Variants in TSPAN18 observed in about 807,000 individuals in gnomAD.
TSPAN18 encodes the protein tetraspanin-18.
In TSPAN18, 14 loss-of-function variants were observed where a neutral mutation model predicts 27.3. That is an observed-to-expected ratio of 0.51 (90% confidence interval 0.34 to 0.80). TSPAN18 has a LOEUF of 0.80. TSPAN18 is among the 30% of genes least tolerant of loss of function. The pLI is 0.01. For missense variants in TSPAN18, 268 were observed against 323.9 expected (o/e 0.83, Z 1.32); for synonymous variants, 143 against 136.5 (o/e 1.05, Z -0.33).
intron 3 of TSPAN18, among the ~76,000 whole-genome samples, chr11:44,870,254 C>A (rs1309422796): frequency 2.6e-5 from 4 of 152,122 alleles, no homozygotes; most frequent in African/African-American, 7.2e-5. Context: ...AGTCCCTGTT[C>A]CCACCCCAGC....
chr11:44,929,105 T>G (rs770057466), intron 9 of TSPAN18, 26 bp from the exon 10 acceptor site: 2 of 1,612,694 alleles, frequency 1.2e-6, no homozygotes, highest in Non-Finnish European at 1.7e-6. Flanking sequence ...GATAAGCCAG[T>G]TCCTGCTCTT....
At chr11:44,745,323 G>A (rs534529041) in intron 1 of TSPAN18, among the ~76,000 whole-genome samples, 1 of 152,144 alleles carries the variant, frequency 6.6e-6, no homozygotes, top group Admixed American at 6.5e-5. Flanking sequence ...ACCTATTCAG[G>A]CTCCAATTCA....
At chr11:44,854,506 G>T (rs989670717) in intron 2 of TSPAN18, among the ~76,000 whole-genome samples, 15 of 152,188 alleles carry the variant, frequency 9.9e-5, no homozygotes, top group African/African-American at 3.4e-4. Flanking sequence ...TTTGCCACCA[G>T]TCCCCTCCTG....
intron 1 of TSPAN18, among the ~76,000 whole-genome samples, chr11:44,740,276 C>G (rs539611139): frequency 3.9e-5 from 6 of 152,224 alleles, no homozygotes; most frequent in African/African-American, 1.4e-4. Context: ...ACCGGGAGAC[C>G]CGTGGGTCAG....
intron 9 of TSPAN18, among the ~76,000 whole-genome samples, chr11:44,928,525 G>A (rs553534399): frequency 1.4e-4 from 22 of 152,280 alleles, no homozygotes; most frequent in East Asian, 5.8e-4. Context: ...TGTGGCTCAC[G>A]CCTGTAAATC....
chr11:44,908,071 G>A (rs868042489), intron 4 of TSPAN18, among the ~76,000 whole-genome samples: 1,674 of 87,058 alleles, frequency 0.019, 38 homozygotes, highest in African/African-American at 0.065. Context: ...AAAAAAAAAA[G>A]GAGAGAGACA....
chr11:44,744,557 C>A (rs547448565), intron 1 of TSPAN18, among the ~76,000 whole-genome samples: 1 of 152,168 alleles, frequency 6.6e-6, no homozygotes, highest in Non-Finnish European at 1.5e-5. Context: ...CAAGGCAGTA[C>A]CCCTCTCCGG....
chr11:44,927,331 A>G (rs900533688), intron 9 of TSPAN18, among the ~76,000 whole-genome samples: 2 of 152,184 alleles, frequency 1.3e-5, no homozygotes, highest in Admixed American at 6.5e-5. Context: ...TGGGATCTCC[A>G]TCATCTGGGA....
At position 44,906,482 on chromosome 11, in the gene TSPAN18, A is replaced by G. The variant is rs764590086; in HGVS notation, c.63+3A>G. On this transcript the variant is annotated splice_donor_region_variant and intron_variant, in intron 4 of 9. Transcript: ENST00000520358. ...TTGTATTCAATTTCTTCATATTTGTAAGTATTCCTGGGTCTTCCCAGGCCT... is the reference window on the plus strand; with the variant it reads ...TTGTATTCAATTTCTTCATATTTGTGAGTATTCCTGGGTCTTCCCAGGCCT... The G allele has an allele frequency of 1.2e-6, 2 of 1,613,734 alleles. No homozygotes were observed. The highest frequency in any genetic ancestry group is 1.1e-5 in the South Asian group (1 of 91,076).
At chr11:44,799,604 A>G (rs1197715112) in intron 2 of TSPAN18, among the ~76,000 whole-genome samples, 1 of 152,130 alleles carries the variant, frequency 6.6e-6, no homozygotes, top group Non-Finnish European at 1.5e-5. Flanking sequence ...CGTGGGGCAC[A>G]TCGATTGGGT....
At chr11:44,901,158 C>G (rs1299863421) in intron 3 of TSPAN18, 1 of 152,118 alleles carries the variant, frequency 6.6e-6, no homozygotes. Context: ...AACTGGAACC[C>G]GGGCCTCCAT....
intron 1 of TSPAN18, among the ~76,000 whole-genome samples, chr11:44,753,609 T>G (rs560539403): frequency 1.3e-5 from 2 of 152,310 alleles, no homozygotes; most frequent in East Asian, 1.9e-4. Flanking sequence ...CGAACTGAGT[T>G]TTTTGAGATC....
chr11:44,820,530 G>A (rs905007312), intron 2 of TSPAN18, among the ~76,000 whole-genome samples: 18 of 152,318 alleles, frequency 1.2e-4, no homozygotes, highest in African/African-American at 4.1e-4. Context: ...ATTGAATCCT[G>A]TTTTGGCCAC....
rs545307893 is a variant in TSPAN18 at position 44,832,874 on chromosome 11, G to A, written c.-152-27454G>A. On this transcript the variant is annotated intron_variant, in intron 2 of 9. Transcript: ENST00000520358. ...TCCACTGCTGGTCTCCTTCTTGAGT[G>A]GCTTGGTCTGAATATCTAGGATATC... is the stretch of plus-strand genomic sequence containing the variant. Among the ~76,000 whole-genome samples, 10 of 152,154 alleles carry A rather than the reference G, an allele frequency of 6.6e-5. No homozygotes were observed. In the South Asian group the frequency reaches 1.7e-3, roughly 25 times the overall value.
At chr11:44,864,008 AC>A (rs1857965832) in intron 3 of TSPAN18, among the ~76,000 whole-genome samples, 1 of 151,630 alleles carries the variant, frequency 6.6e-6, no homozygotes, top group South Asian at 2.1e-4. Context: ...GGTGATGGGG[AC>A]CGGGCACGGT....
chr11:44,882,307 C>A (rs1384615751), intron 3 of TSPAN18, among the ~76,000 whole-genome samples: 1 of 152,272 alleles, frequency 6.6e-6, no homozygotes, highest in Middle Eastern at 3.4e-3. Context: ...AACACCTACC[C>A]GTTCTTCCTT....
At chr11:44,877,208 C>T (rs552759688) in intron 3 of TSPAN18, among the ~76,000 whole-genome samples, 52 of 152,384 alleles carry the variant, frequency 3.4e-4, no homozygotes, top group Non-Finnish European at 5.9e-4. Context: ...TTTCCTACGA[C>T]GTCTGCAGGG....
rs145058447 is a variant in TSPAN18, at chr11:44,894,426, G to T, written c.-10-11981G>T. ...CACTGGGGGCTTCTCCATCTCTCTT[G>T]TCCGGCCGCCTCCTTTCCTTCTCTC... On this transcript the variant is annotated intron_variant, in intron 3 of 9. Transcript: ENST00000520358. Among the ~76,000 whole-genome samples the T allele has an allele frequency of 1.6e-3, 238 of 152,324 alleles. 2 individuals carry two copies. Among genetic ancestry groups the T allele is most frequent in the African/African-American group, 4.9e-3 (202 of 41,578 alleles).
At chr11:44,759,970 C>A (rs1855415096) in intron 1 of TSPAN18, among the ~76,000 whole-genome samples, 1 of 152,044 alleles carries the variant, frequency 6.6e-6, no homozygotes, top group African/African-American at 2.4e-5. Flanking sequence ...TAGGAGTTTG[C>A]CAAGTGAGGG....
Sources: gnomAD v4.1 joint callset for allele counts (sites outside exome capture counted in the v4.1 genomes callset) on GRCh38, gnomAD v4.1.1 for gene constraint, MANE v1.5 for transcripts, NCBI Gene and HGNC (gene_info 2026-07-23, HGNC 2026-07-21) for gene names.